The following TMEM74 variants were observed in gnomAD, a reference collection of about 807,000 sequenced individuals.
The protein encoded by TMEM74 is transmembrane protein 74.
TMEM74 carries 13 observed loss-of-function variants against 18.1 expected under a neutral mutation model. The ratio of observed to expected loss-of-function variants is 0.72; its 90% CI spans 0.47 to 1.14. The LOEUF is 1.14. Ranked by LOEUF, TMEM74 falls within the 50% of genes most tolerant of loss-of-function variation. The pLI, the probability that TMEM74 is intolerant of heterozygous loss-of-function variation, is 0.00. For missense variants in TMEM74, 372 were observed against 375.9 expected, an observed-to-expected ratio of 0.99 and a Z score of 0.09; for synonymous variants, 159 against 146.6, an observed-to-expected ratio of 1.08 and a Z score of -0.61.
chr8:108,659,180 T>C (rs969121955), intron 1 of TMEM74, among the ~76,000 whole-genome samples: 6 of 149,632 alleles, frequency 4.0e-5, no homozygotes, highest in African/African-American at 1.5e-4. Flanking sequence ...AAGGACAAGA[T>C]GGCAGAGGGA....
intron 1 of TMEM74, among the ~76,000 whole-genome samples, chr8:108,731,604 A>G (rs1813696231): frequency 6.6e-6 from 1 of 152,188 alleles, no homozygotes; most frequent in African/African-American, 2.4e-5. Flanking sequence ...AGGACATGGC[A>G]TCTGTCAGAC....
intron 1 of TMEM74, among the ~76,000 whole-genome samples, chr8:108,756,650 G>GAGAAAGAAAGAA (rs71305914): frequency 0.074 from 1,992 of 26,996 alleles, 150 homozygotes; most frequent in Middle Eastern, 0.12. Context: ...AAGAAAGAAA[G>GAGAAAGAAAGAA]AGAAAGAAAG....
At position 108,760,149 on chromosome 8, in the gene TMEM74, GGAGAGA is replaced by G. The variant is rs72281415; in HGVS notation, n.119+27321_119+27326del. Among the ~76,000 whole-genome samples, 6 of 143,928 alleles carry G rather than the reference GGAGAGA, an allele frequency of 4.2e-5. No homozygotes were observed. The South Asian group carries it at 6.6e-4, about 16-fold the overall frequency. The allele number at this position is 143,928 out of a possible 152,430, so 94.4% of individuals were successfully genotyped here. A position where few individuals can be genotyped will look rare whatever the true frequency, so the allele number is the denominator to read the frequency against. On this transcript the variant is annotated intron_variant and non_coding_transcript_variant, in intron 1 of 3. Coordinates refer to the TMEM74 transcript ENST00000518838. ...GATTGCGCCACTGTTCTGCAGACTG[GGAGAGA>G]GAGAGAGAGAGAGAGAGAGGGAGAG...
intron 1 of TMEM74, among the ~76,000 whole-genome samples, chr8:108,769,553 T>C (rs1814148672): frequency 6.6e-6 from 1 of 152,088 alleles, no homozygotes; most frequent in African/African-American, 2.4e-5. Context: ...TAGTGGGTTG[T>C]ACTTTCCACT....
chr8:108,623,957 A>C (rs552169655), intron 2 of TMEM74, among the ~76,000 whole-genome samples: 1 of 152,178 alleles, frequency 6.6e-6, no homozygotes, highest in Admixed American at 6.5e-5. Flanking sequence ...ACTGTGTCTA[A>C]TCTTATTCTT....
At chr8:108,613,154 C>T (rs1374790914) in intron 2 of TMEM74, among the ~76,000 whole-genome samples, 2 of 152,188 alleles carry the variant, frequency 1.3e-5, no homozygotes, top group African/African-American at 4.8e-5. Context: ...TACCAAGTTG[C>T]AGGCACAAAT....
downstream of TMEM74, among the ~76,000 whole-genome samples, chr8:108,777,021 G>A (rs929618299): frequency 6.6e-6 from 1 of 152,130 alleles, no homozygotes; most frequent in Non-Finnish European, 1.5e-5. Context: ...AATGGTAGCT[G>A]TTATGATGGT....
intron 1 of TMEM74, among the ~76,000 whole-genome samples, chr8:108,665,749 C>T (rs1369912695): frequency 1.3e-5 from 2 of 152,074 alleles, no homozygotes; most frequent in Non-Finnish European, 2.9e-5. Flanking sequence ...CTTAATACTT[C>T]TTTATTGAAT....
intron 1 of TMEM74, among the ~76,000 whole-genome samples, chr8:108,701,626 A>G (rs1158788726): frequency 1.3e-5 from 2 of 152,222 alleles, no homozygotes; most frequent in East Asian, 3.8e-4. Flanking sequence ...TGAAATTAAA[A>G]GCACAATATC....
chr8:108,655,920 AG>A (rs754772020), intron 1 of TMEM74, among the ~76,000 whole-genome samples: 1 of 152,202 alleles, frequency 6.6e-6, no homozygotes, highest in Non-Finnish European at 1.5e-5. Flanking sequence ...TTGAGCATCC[AG>A]GATTTTGGAA....
chr8:108,702,546 C>T (rs117313266), intron 1 of TMEM74, among the ~76,000 whole-genome samples: 5,439 of 152,004 alleles, frequency 0.036, 151 homozygotes, highest in Non-Finnish European at 0.051. Flanking sequence ...CGAAATGGAT[C>T]ATAGACCTAT....
At chr8:108,628,899 T>C (rs978016202) in intron 2 of TMEM74, among the ~76,000 whole-genome samples, 5 of 152,146 alleles carry the variant, frequency 3.3e-5, no homozygotes, top group African/African-American at 7.2e-5. Context: ...GTGAGATTTT[T>C]TTTTCATATG....
At chr8:108,767,783 A>C (rs115129396) in intron 1 of TMEM74, among the ~76,000 whole-genome samples, 2,730 of 152,134 alleles carry the variant, frequency 0.018, 87 homozygotes, top group African/African-American at 0.062. Context: ...TCTAATTAAT[A>C]TTTTTTATTA....
intron 2 of TMEM74, among the ~76,000 whole-genome samples, chr8:108,624,737 T>C (rs568693128): frequency 6.6e-5 from 10 of 152,154 alleles, no homozygotes; most frequent in African/African-American, 2.2e-4. Flanking sequence ...ACGTTTTCCT[T>C]TTCTGTGGAG....
rs141010586 is a variant in TMEM74, at chr8:108,756,223, T to G, written n.119+31253A>C. Among the ~76,000 whole-genome samples the G allele has an allele frequency of 1.1e-4, 17 of 152,074 alleles. No homozygotes were observed. The East Asian group carries it at 3.3e-3, about 30-fold the overall frequency. On this transcript the variant is annotated intron_variant and non_coding_transcript_variant, in intron 1 of 3. Transcript: ENST00000518838. ...ATAAATCCATCTGATGAAACAGAAGTTAGGTTTTACTATGTGTATAAAGTA... is the reference window on the plus strand; with the variant it reads ...ATAAATCCATCTGATGAAACAGAAGGTAGGTTTTACTATGTGTATAAAGTA...
intron 1 of TMEM74, among the ~76,000 whole-genome samples, chr8:108,663,639 A>G (rs972765670): frequency 4.6e-5 from 7 of 152,184 alleles, no homozygotes; most frequent in Non-Finnish European, 1.0e-4. Flanking sequence ...AAATCATTCT[A>G]TTATAAAGAT....
chr8:108,636,371 G>C (rs1487353202), intron 2 of TMEM74, among the ~76,000 whole-genome samples: 1 of 151,946 alleles, frequency 6.6e-6, no homozygotes, highest in Non-Finnish European at 1.5e-5. Context: ...GGGTGGTCCC[G>C]ACCAACCATC....
At chr8:108,628,184 G>A (rs1415522471) in intron 2 of TMEM74, among the ~76,000 whole-genome samples, 1 of 151,994 alleles carries the variant, frequency 6.6e-6, no homozygotes, top group African/African-American at 2.4e-5. Context: ...TTGATAGTCT[G>A]GTCTATAATG....
chr8:108,685,386 A>G (rs2130602558), intron 1 of TMEM74, among the ~76,000 whole-genome samples: 2 of 152,274 alleles, frequency 1.3e-5, no homozygotes, highest in Middle Eastern at 3.4e-3. Flanking sequence ...ATCTGCAAAC[A>G]GGAATAATTT....
Sources: gnomAD v4.1 joint callset for allele counts (sites outside exome capture counted in the v4.1 genomes callset) on GRCh38, gnomAD v4.1.1 for gene constraint, MANE v1.5 for transcripts, NCBI Gene and HGNC (gene_info 2026-07-23, HGNC 2026-07-21) for gene names.